The following MFN2 variants were observed in gnomAD, a reference collection of about 807,000 sequenced individuals.
The protein encoded by MFN2 is mitofusin-2.
Under a neutral mutation model 87.5 loss-of-function variants are expected in MFN2, and 43 were observed. The ratio of observed to expected loss-of-function variants is 0.49; its 90% CI spans 0.38 to 0.63. The LOEUF is 0.63. Ranked by LOEUF, MFN2 falls within the 30% of genes least tolerant of loss-of-function variation. The pLI is 0.00. For missense variants in MFN2, 743 were observed against 972.8 expected (o/e 0.76, Z 3.14); for synonymous variants, 337 against 359.9 (o/e 0.94, Z 0.72).
chr1:12,005,676 C>G, intron 14 of MFN2, 35 bp from the exon 15 acceptor site: 3 of 1,598,488 alleles, frequency 1.9e-6, no homozygotes, highest in Non-Finnish European at 2.6e-6. Context: ...CAGGGCTGAG[C>G]TGATAAGCTT....
rs1252354585 is a variant in MFN2 at position 12,011,735 on chromosome 1, A to C, written c.*170A>C. 1.5e-6 allele frequency: 1 copy of C among 679,948 alleles called. No homozygotes were observed. Among genetic ancestry groups the C allele is most frequent in the South Asian group, 1.8e-5 (1 of 56,298 alleles). The allele number at this position is 679,948 out of a possible 1,614,324, so 42.1% of individuals were successfully genotyped here. A position where few individuals can be genotyped will look rare whatever the true frequency, so the allele number is the denominator to read the frequency against. On this transcript the variant is annotated 3_prime_UTR_variant, in exon 19 of 19. Coordinates refer to ENST00000235329, the MANE Select transcript of MFN2 (RefSeq NM_014874.4). ...CCTCCAGCACTACTTATTTTCCCCC[A>C]CCTTTGCCTGCTGTTGCTGGAAGAG...
chr1:11,999,108 G>T lies in MFN2; in HGVS notation c.816+13G>T. 6.2e-7 allele frequency: 1 copy of T among 1,612,434 alleles called. No individual in the cohort carries two copies. Among genetic ancestry groups the T allele is most frequent in the African/African-American group, 1.3e-5 (1 of 75,014 alleles). ...GTACATGGAGGAGGTTCGTGCTTCTGTTTGGCAGTTTGGGGAATGCAACCC... is the reference window on the plus strand; with the variant it reads ...GTACATGGAGGAGGTTCGTGCTTCTTTTTGGCAGTTTGGGGAATGCAACCC... On this transcript the variant is annotated intron_variant, in intron 8 of 18. Transcript: ENST00000235329.
At chr1:11,988,826 A>G (rs4846084) in intron 2 of MFN2, among the ~76,000 whole-genome samples, 99,069 of 151,868 alleles carry the variant, frequency 0.65, 32,730 homozygotes, top group South Asian at 0.69. Flanking sequence ...TCAGCCTCCC[A>G]AGTAGCTGGG....
chr1:11,980,858 C>T (rs950218056), intron 1 of MFN2, among the ~76,000 whole-genome samples: 2 of 152,376 alleles, frequency 1.3e-5, no homozygotes, highest in African/African-American at 4.8e-5. Context: ...CCACTTTGGG[C>T]AGTTACTGCC....
intron 1 of MFN2, among the ~76,000 whole-genome samples, chr1:11,981,315 GC>G (rs1645980175): frequency 6.6e-6 from 1 of 152,152 alleles, no homozygotes; most frequent in African/African-American, 2.4e-5. Context: ...GACCAGCCTG[GC>G]CAACATGGTG....
chr1:12,003,110 C>T lies in MFN2; in HGVS notation c.1161-882C>T, dbSNP rs966991148. ...TTTTTTTTTGCTATTGGAAACCCTACTGCAGTGGACATTTGTTCATGTGTC... is the reference window on the plus strand; with the variant it reads ...TTTTTTTTTGCTATTGGAAACCCTATTGCAGTGGACATTTGTTCATGTGTC... On this transcript the variant is annotated intron_variant, in intron 11 of 18. Transcript: ENST00000235329. The surrounding 1 kb of genome is among the most constrained non-coding windows in gnomAD (Gnocchi z 4.1). Among the ~76,000 whole-genome samples, 2 of 152,230 alleles carry T rather than the reference C, an allele frequency of 1.3e-5. No individual in the cohort carries two copies. Among genetic ancestry groups the T allele is most frequent in the African/African-American group, 4.8e-5 (2 of 41,556 alleles).
chr1:12,010,931 C>T (rs1274808665), intron 18 of MFN2, among the ~76,000 whole-genome samples: 1 of 152,164 alleles, frequency 6.6e-6, no homozygotes, highest in Non-Finnish European at 1.5e-5. Context: ...TCAGAGTCTG[C>T]AGGGTGGCAG....
chr1:11,989,702 CA>C (rs1638590933), intron 3 of MFN2, among the ~76,000 whole-genome samples: 2 of 152,152 alleles, frequency 1.3e-5, no homozygotes, highest in African/African-American at 4.8e-5. Flanking sequence ...CTCCGGAGCC[CA>C]CGTGTTTTCC....
chr1:12,001,485 A>G lies in MFN2; in HGVS notation c.901A>G (p.Ile301Val). 6.2e-7 allele frequency: 1 copy of G among 1,614,180 alleles called. No individual in the cohort carries two copies. Among genetic ancestry groups the G allele is most frequent in the South Asian group, 1.1e-5 (1 of 91,082 alleles). The part of the protein sequence containing the change: ...VVDRSQAGDR[I>V]FFVSAKEVLN... The stretch of plus-strand genomic sequence containing the variant: ...GGATCGATCCCAGGCCGGGGACCGC[A>G]TCTTCTTTGTGTCTGCTAAGGAGGT... The change falls in exon 9 of 19, where the codon ATC becomes GTC. Residue 301 changes from isoleucine to valine, a missense_variant. Ile to Val is a conservative substitution (Grantham distance 29, BLOSUM62 3). This residue lies in a region of MFN2 where 571 missense variants were observed against 670.7 expected (regional missense o/e 0.85). Coordinates refer to ENST00000235329, the MANE Select transcript of MFN2 (RefSeq NM_014874.4).
chr1:11,997,468 G>T lies in MFN2; in HGVS notation c.599+47G>T, dbSNP rs1347255959. The T allele has an allele frequency of 2.5e-6, 4 of 1,612,280 alleles. 1 individual carries two copies. ...AGGAGGTCCAAACTGGAAGGCACCAGGTTTCCATTTCTGGATAATCTAGGC... is the reference window on the plus strand; with the variant it reads ...AGGAGGTCCAAACTGGAAGGCACCATGTTTCCATTTCTGGATAATCTAGGC... On this transcript the variant is annotated intron_variant, in intron 6 of 18. Coordinates refer to ENST00000235329, the MANE Select transcript of MFN2 (RefSeq NM_014874.4).
intron 2 of MFN2, among the ~76,000 whole-genome samples, chr1:11,986,681 C>T (rs548439588): frequency 6.6e-6 from 1 of 151,140 alleles, no homozygotes; most frequent in African/African-American, 2.4e-5. Flanking sequence ...ACTTCCAGCT[C>T]CCAGGTTCAA....
Position 12,004,033 on chromosome 1 carries a change from T to G in MFN2, c.1202T>G (p.Leu401Arg), listed in dbSNP as rs1161492440. ...ATGCGTGAAGAGCGGCAAGACCGAC[T>G]GAAATTTATTGACAAACAGCTGGAG... ...EEMREERQDR[L>R]KFIDKQLELL... Residue 401 changes from leucine (L) to arginine (R), a missense_variant, in exon 12 of 19, where the codon CTG becomes CGG. Leu to Arg is a moderately radical substitution (Grantham distance 102, BLOSUM62 -2). Around this residue, in one of 3 missense-constraint regions of MFN2, gnomAD observed 571 missense variants for 670.7 expected, o/e 0.85. Coordinates refer to ENST00000235329, the MANE Select transcript of MFN2 (RefSeq NM_014874.4). The surrounding 1 kb of genome is among the most constrained non-coding windows in gnomAD (Gnocchi z 4.2). 12 of 1,614,072 alleles carry G rather than the reference T, an allele frequency of 7.4e-6. No homozygotes were observed. The highest frequency in any genetic ancestry group is 1.1e-5 in the South Asian group (1 of 91,094).
intron 17 of MFN2, among the ~76,000 whole-genome samples, chr1:12,008,635 TCA>T (rs536380299): frequency 0.014 from 2,159 of 149,848 alleles, 46 homozygotes; most frequent in African/African-American, 0.048. Context: ...GAGGCGCTCC[TCA>T]CATCCCAGAC....
At chr1:11,986,503 T>A (rs182957100) in intron 2 of MFN2, among the ~76,000 whole-genome samples, 10 of 152,172 alleles carry the variant, frequency 6.6e-5, no homozygotes, top group Admixed American at 6.5e-4. Flanking sequence ...GTGGGAACTC[T>A]GAGGGACCTG....
intron 18 of MFN2, among the ~76,000 whole-genome samples, chr1:12,011,109 G>A (rs188947771): frequency 6.6e-6 from 1 of 152,196 alleles, no homozygotes; most frequent in South Asian, 2.1e-4. Flanking sequence ...AGGGGGAATG[G>A]GGGGAACTGC....
At chr1:11,993,405 G>A (rs1212533631) in intron 4 of MFN2, among the ~76,000 whole-genome samples, 3 of 151,896 alleles carry the variant, frequency 2.0e-5, no homozygotes, top group African/African-American at 7.3e-5. Context: ...GTGCATGCAT[G>A]TTAGGCAAGC....
chr1:11,981,363 C>G (rs931720868), intron 1 of MFN2, among the ~76,000 whole-genome samples: 1 of 152,200 alleles, frequency 6.6e-6, no homozygotes, highest in Admixed American at 6.5e-5. Flanking sequence ...ACTAGCCGGG[C>G]TTGCTGGCAC....
At chr1:12,006,926 A>C (rs1639448530) in intron 16 of MFN2, 127 bp from the exon 17 acceptor site, 1 of 1,337,120 alleles carries the variant, frequency 7.5e-7, no homozygotes, top group South Asian at 1.2e-5. Context: ...ACATTGAAAG[A>C]GGAACTCAGA....
chr1:11,997,473 C>A, intron 6 of MFN2, 52 bp downstream of exon 6: 1 of 1,611,620 alleles, frequency 6.2e-7, no homozygotes, highest in South Asian at 1.1e-5. Flanking sequence ...CACCAGGTTT[C>A]CATTTCTGGA....
Sources: allele counts gnomAD v4.1 joint callset (sites outside exome capture counted in the v4.1 genomes callset), GRCh38; gene constraint gnomAD v4.1.1; regional missense constraint gnomAD v4.1.1; non-coding constraint Gnocchi (gnomAD v3.1); transcripts MANE v1.5; gene names NCBI Gene and HGNC (gene_info 2026-07-23, HGNC 2026-07-21).